LEPR: variants seen among roughly 807,000 people sequenced by gnomAD.
LEPR encodes the protein leptin receptor.
In LEPR, 56 loss-of-function variants were observed where a neutral mutation model predicts 114.7. That is an observed-to-expected ratio of 0.49 (90% CI 0.39 to 0.61). The LOEUF is 0.61. Ranked by LOEUF, LEPR falls within the 20% of genes least tolerant of loss-of-function variation. The probability of loss-of-function intolerance (pLI) is 0.00; values close to 1 mark genes in which losing one functional copy is unlikely to be tolerated. For synonymous variants in LEPR, 443 were observed against 461.4 expected (o/e 0.96, Z 0.51); for missense variants, 1,202 against 1,352.9 (o/e 0.89, Z 1.75).
At chr1:65,442,491 A>G (rs1299654606) in intron 2 of LEPR, among the ~76,000 whole-genome samples, 1 of 152,040 alleles carries the variant, frequency 6.6e-6, no homozygotes, top group Non-Finnish European at 1.5e-5. Flanking sequence ...CTATAACCCA[A>G]CCACCTTGGG....
chr1:65,600,717 A>G (rs1165866941), intron 8 of LEPR, among the ~76,000 whole-genome samples: 5 of 152,074 alleles, frequency 3.3e-5, no homozygotes, highest in Non-Finnish European at 7.4e-5. Context: ...GTATAGAATC[A>G]TGTGTAGGCA....
chr1:65,429,036 A>G (rs1261129332), intron 2 of LEPR, among the ~76,000 whole-genome samples: 1 of 152,204 alleles, frequency 6.6e-6, no homozygotes, highest in African/African-American at 2.4e-5. Flanking sequence ...AATGGAGTAC[A>G]TCATTCTAGG....
chr1:65,566,827 A>G (rs1225422261), intron 3 of LEPR, among the ~76,000 whole-genome samples: 1 of 152,124 alleles, frequency 6.6e-6, no homozygotes, highest in Non-Finnish European at 1.5e-5. Flanking sequence ...CTTCTCTTTC[A>G]TTGCAGCCAT....
At chr1:65,456,128 G>T (rs995593053) in intron 2 of LEPR, among the ~76,000 whole-genome samples, 1 of 152,080 alleles carries the variant, frequency 6.6e-6, no homozygotes, top group Non-Finnish European at 1.5e-5. Context: ...GCAATGCCTC[G>T]CCCAGCTTCG....
At chr1:65,602,644 T>C (rs1176975143) in intron 10 of LEPR, among the ~76,000 whole-genome samples, 1 of 152,114 alleles carries the variant, frequency 6.6e-6, no homozygotes, top group East Asian at 1.9e-4. Context: ...TATACTGCTG[T>C]TAAACACTGT....
chr1:65,450,435 C>G (rs1314212118), intron 2 of LEPR, among the ~76,000 whole-genome samples: 1 of 131,468 alleles, frequency 7.6e-6, no homozygotes, highest in African/African-American at 2.9e-5. Context: ...CCTCCCACCA[C>G]CCCACAACAG....
chr1:65,542,188 A>C (rs1473930806), intron 2 of LEPR, among the ~76,000 whole-genome samples: 1 of 152,162 alleles, frequency 6.6e-6, no homozygotes, highest in Non-Finnish European at 1.5e-5. Flanking sequence ...TGTATCATTT[A>C]GATCAGACTG....
At chr1:65,443,110 CAG>C (rs995448379) in intron 2 of LEPR, among the ~76,000 whole-genome samples, 24 of 152,136 alleles carry the variant, frequency 1.6e-4, no homozygotes, top group African/African-American at 2.2e-4. Context: ...AAGGAATAAA[CAG>C]ATTATTATTT....
At chr1:65,511,275 C>A (rs1163924930) in intron 2 of LEPR, among the ~76,000 whole-genome samples, 1 of 152,078 alleles carries the variant, frequency 6.6e-6, no homozygotes, top group African/African-American at 2.4e-5. Flanking sequence ...CTAGGACCAC[C>A]AACATCCACA....
intron 1 of LEPR, among the ~76,000 whole-genome samples, chr1:65,424,619 G>A (rs1029752948): frequency 2.6e-5 from 4 of 152,180 alleles, no homozygotes; most frequent in African/African-American, 7.2e-5. Flanking sequence ...ATTTTAGACT[G>A]GGTGGCTTAA....
chr1:65,603,446 A>AT (rs987819336), intron 10 of LEPR, among the ~76,000 whole-genome samples: 6 of 152,188 alleles, frequency 3.9e-5, no homozygotes, highest in Admixed American at 3.9e-4. Context: ...AAGAATATAG[A>AT]TTTTTTAGCT....
chr1:65,637,598 T>A lies in LEPR; in HGVS notation c.*583T>A, dbSNP rs937417807. The A allele has an allele frequency of 2.0e-5, 3 of 152,350 alleles. No individual in the cohort carries two copies. Among genetic ancestry groups the A allele is most frequent in the African/African-American group, 7.2e-5 (3 of 41,474 alleles). 9.4% of individuals were successfully genotyped at this position (152,350 alleles called of 1,614,324 possible). A position where few individuals can be genotyped will look rare whatever the true frequency, so the allele number is the denominator to read the frequency against. ...ATGAAATAACCTGCAAGAATGGTGA[T>A]GCCCACAATCAGTATTTTGATGACA... On this transcript the variant is annotated 3_prime_UTR_variant, in exon 20 of 20. Coordinates refer to ENST00000349533, the MANE Select transcript of LEPR (RefSeq NM_002303.6).
Position 65,636,570 on chromosome 1 carries a change from C to G in LEPR, c.3053C>G (p.Ser1018Cys). ...SVTKCFSSKN[S>C]PLKDSFSNSS... ...ACCAAGTGCTTCTCTAGCAAAAATTCTCCGTTGAAGGATTCTTTCTCTAAT... is the reference window on the plus strand; with the variant it reads ...ACCAAGTGCTTCTCTAGCAAAAATTGTCCGTTGAAGGATTCTTTCTCTAAT... Residue 1018 changes from serine to cysteine, a missense_variant, in exon 20 of 20, where the codon TCT becomes TGT. Coordinates refer to ENST00000349533, the MANE Select transcript of LEPR (RefSeq NM_002303.6). The G allele has an allele frequency of 6.2e-7, 1 of 1,614,066 alleles. No homozygotes were observed. The highest frequency in any genetic ancestry group is 8.5e-7 in the Non-Finnish European group (1 of 1,180,000).
chr1:65,459,758 A>T (rs1275978892), intron 2 of LEPR, among the ~76,000 whole-genome samples: 1 of 152,062 alleles, frequency 6.6e-6, no homozygotes. Context: ...ATAATGATTT[A>T]CTCTCTACCT....
chr1:65,530,358 G>T (rs929910977), intron 2 of LEPR, among the ~76,000 whole-genome samples: 5 of 152,080 alleles, frequency 3.3e-5, no homozygotes, highest in Non-Finnish European at 7.4e-5. Flanking sequence ...CCCAAGAGAG[G>T]GTTCTTGGAT....
chr1:65,571,718 C>T (rs947770222), intron 4 of LEPR, among the ~76,000 whole-genome samples: 1 of 142,444 alleles, frequency 7.0e-6, no homozygotes, highest in Admixed American at 7.4e-5. Flanking sequence ...ATTTAGGAGG[C>T]CTAGGCGGGC....
rs576905273 is a variant in LEPR at position 65,469,783 on chromosome 1, G to A, written c.-21+44405G>A. Among the ~76,000 whole-genome samples the A allele has an allele frequency of 2.3e-4, 35 of 152,294 alleles. 1 individual carries two copies. Among genetic ancestry groups the A allele is most frequent in the African/African-American group, 8.2e-4 (34 of 41,570 alleles). ...TATCTGGGCCCAGTCAACTGCTGTG[G>A]ACACTGAGCTTTAACACCAATAAGT... On this transcript the variant is annotated intron_variant, in intron 2 of 19. Transcript: ENST00000349533.
chr1:65,639,596 A>C lies in LEPR; in HGVS notation c.*2581A>C, dbSNP rs567032361. 5 of 152,332 alleles carry C rather than the reference A, an allele frequency of 3.3e-5. No individual in the cohort carries two copies. In the South Asian group the frequency reaches 1.0e-3, roughly 32 times the overall value. The allele number at this position is 152,332 out of a possible 1,614,324, so 9.4% of individuals were successfully genotyped here. A position where few individuals can be genotyped will look rare whatever the true frequency, so the allele number is the denominator to read the frequency against. ...TTCTTCCCACAGCTTCTATAAAAAA[A>C]ATTTAAAAGGAAGGAGGAGCTGAAA... On this transcript the variant is annotated 3_prime_UTR_variant, in exon 20 of 20. Transcript: ENST00000349533.
At chr1:65,423,336 T>A (rs1193227888) in intron 1 of LEPR, among the ~76,000 whole-genome samples, 1 of 152,056 alleles carries the variant, frequency 6.6e-6, no homozygotes, top group African/African-American at 2.4e-5. Context: ...CAACTCCAAC[T>A]TTAAGAGATT....
Sources: allele counts gnomAD v4.1 joint callset (sites outside exome capture counted in the v4.1 genomes callset), GRCh38; gene constraint gnomAD v4.1.1; transcripts MANE v1.5; gene names NCBI Gene and HGNC (gene_info 2026-07-23, HGNC 2026-07-21).